The following TENM2 variants were observed in gnomAD, a reference collection of about 807,000 sequenced individuals.
TENM2 encodes the protein teneurin-2.
TENM2 carries 52 observed loss-of-function variants against 245.2 expected under a neutral mutation model. The observed-to-expected ratio is 0.21, with a 90% CI of 0.17 to 0.27. The LOEUF (loss-of-function observed/expected upper bound fraction) is 0.27, where lower values mean the gene tolerates loss of function less well. TENM2 is among the 10% of genes least tolerant of loss of function. The pLI is 1.00. For synonymous variants in TENM2, 1,363 were observed against 1,438.9 expected, an observed-to-expected ratio of 0.95 and a Z score of 1.19; for missense variants, 3,046 against 3,666.8, an observed-to-expected ratio of 0.83 and a Z score of 4.37.
intron 5 of TENM2, among the ~76,000 whole-genome samples, chr5:168,009,448 G>A (rs532874408): frequency 1.3e-5 from 2 of 152,304 alleles, no homozygotes; most frequent in South Asian, 4.1e-4. Flanking sequence ...AGTTAGTTAT[G>A]GGTTTATGGA....
Position 167,405,677 on chromosome 5 carries a change from C to G in TENM2, c.502+30204C>G, listed in dbSNP as rs539536193. ...CTCCATGAGAACTGTTTCTGTTCATCTCTTCCTAACTCAGCCTCACCCTGT... is the reference window on the plus strand; with the variant it reads ...CTCCATGAGAACTGTTTCTGTTCATGTCTTCCTAACTCAGCCTCACCCTGT... On this transcript the variant is annotated intron_variant, in intron 2 of 28. Coordinates refer to ENST00000518659, the Ensembl canonical transcript of TENM2. Among the ~76,000 whole-genome samples, 15 of 151,866 alleles carry G rather than the reference C, an allele frequency of 9.9e-5. No individual in the cohort carries two copies. In the East Asian group the frequency reaches 2.4e-3, roughly 24 times the overall value.
rs569176278 is a variant in TENM2 at position 167,948,061 on chromosome 5, C to T, written c.713-4527C>T. Among the ~76,000 whole-genome samples the T allele has an allele frequency of 1.4e-4, 21 of 152,236 alleles. 1 individual carries two copies. The highest frequency in any genetic ancestry group is 4.8e-4 in the African/African-American group (20 of 41,562). ...TTAGGCAGAATGCAACAACAATAGT[C>T]GATTATTAACAATTTCTTCCTTAGA... On this transcript the variant is annotated intron_variant, in intron 3 of 28. Coordinates refer to ENST00000518659, the Ensembl canonical transcript of TENM2.
chr5:167,870,344 T>C (rs1272037462), intron 2 of TENM2, among the ~76,000 whole-genome samples: 1 of 152,050 alleles, frequency 6.6e-6, no homozygotes, highest in Non-Finnish European at 1.5e-5. Context: ...GTTAGCACTT[T>C]TGTCTAATGT....
At chr5:167,395,833 G>A (rs1400604202) in intron 2 of TENM2, among the ~76,000 whole-genome samples, 5 of 152,040 alleles carry the variant, frequency 3.3e-5, no homozygotes, top group Non-Finnish European at 5.9e-5. Flanking sequence ...TTTTAAGTGA[G>A]GACTTGCTAT....
At chr5:168,253,466 C>T (rs1445152240) in intron 27 of TENM2, among the ~76,000 whole-genome samples, 1 of 148,102 alleles carries the variant, frequency 6.8e-6, no homozygotes, top group Non-Finnish European at 1.5e-5. Context: ...CACTCTGTCG[C>T]CCAGGCTGGA....
chr5:167,311,200 C>A (rs187437536), intron 1 of TENM2, among the ~76,000 whole-genome samples: 1 of 152,272 alleles, frequency 6.6e-6, no homozygotes, highest in Admixed American at 6.5e-5. Context: ...AAGGATTAGT[C>A]TTTAAAGAGT....
intron 2 of TENM2, among the ~76,000 whole-genome samples, chr5:167,608,684 C>T (rs1016169081): frequency 6.6e-6 from 1 of 152,172 alleles, no homozygotes. Context: ...ACCTGTCATA[C>T]TAATGGACTA....
chr5:167,578,211 C>T lies in TENM2; in HGVS notation c.502+202738C>T, dbSNP rs1158508542. 4.6e-5 allele frequency among the ~76,000 whole-genome samples: 7 copies of T among 152,168 alleles called. No individual in the cohort carries two copies. The South Asian group carries it at 1.0e-3, about 23-fold the overall frequency. ...ACACCCTTCCCAGGAAATTCTGAAA[C>T]GTCTGTCTACAGGGCATCTATTCTT... On this transcript the variant is annotated intron_variant, in intron 2 of 28. Coordinates refer to ENST00000518659, the Ensembl canonical transcript of TENM2.
At chr5:168,214,170 C>T (rs972625907) in intron 20 of TENM2, among the ~76,000 whole-genome samples, 2 of 152,230 alleles carry the variant, frequency 1.3e-5, no homozygotes, top group Non-Finnish European at 2.9e-5. Context: ...TTAGAGTTTC[C>T]TGTGTTTTAG....
chr5:167,956,581 C>A (rs1051865976), intron 4 of TENM2, among the ~76,000 whole-genome samples: 1 of 152,074 alleles, frequency 6.6e-6, no homozygotes, highest in East Asian at 1.9e-4. Context: ...CAGCTTTTGG[C>A]CATTCAGTGT....
chr5:168,126,861 C>T (rs372765674), exon 12 of TENM2: 5 of 1,609,476 alleles, frequency 3.1e-6, no homozygotes, highest in South Asian at 1.1e-5. Flanking sequence ...GTGCCACCCC[C>T]GCTGCATTGA....
At chr5:167,971,943 G>A (rs181278561) in intron 4 of TENM2, among the ~76,000 whole-genome samples, 1 of 152,336 alleles carries the variant, frequency 6.6e-6, no homozygotes, top group Non-Finnish European at 1.5e-5. Context: ...GGGCTGGAAG[G>A]CAGGCCTCTG....
the TENM2 span, among the ~76,000 whole-genome samples, chr5:167,166,796 T>C: frequency 8.5e-5 from 13 of 152,170 alleles, no homozygotes; most frequent in Non-Finnish European, 4.4e-5. Context: ...TATTATAATG[T>C]TCCATTCTCA....
the TENM2 span, among the ~76,000 whole-genome samples, chr5:167,052,598 G>A: frequency 6.6e-6 from 1 of 152,104 alleles, no homozygotes; most frequent in Non-Finnish European, 1.5e-5. Flanking sequence ...TTTCATTTCT[G>A]TGAGAGAGCA....
intron 2 of TENM2, among the ~76,000 whole-genome samples, chr5:167,502,837 A>G (rs1469090329): frequency 1.3e-5 from 2 of 152,204 alleles, no homozygotes; most frequent in East Asian, 3.9e-4. Flanking sequence ...AGCCAAATAT[A>G]TAAAAATGTC....
intron 2 of TENM2, among the ~76,000 whole-genome samples, chr5:167,438,658 A>G (rs1764711591): frequency 6.6e-6 from 1 of 152,124 alleles, no homozygotes; most frequent in African/African-American, 2.4e-5. Flanking sequence ...TGGCCTCCCA[A>G]AGTGCTGGGA....
At chr5:167,781,639 C>G (rs745486381) in intron 2 of TENM2, among the ~76,000 whole-genome samples, 3 of 152,128 alleles carry the variant, frequency 2.0e-5, no homozygotes, top group Non-Finnish European at 4.4e-5. Flanking sequence ...TGTGGCCATT[C>G]TAAACTCAGG....
At chr5:167,224,426 A>T in the TENM2 span, among the ~76,000 whole-genome samples, 1 of 152,054 alleles carries the variant, frequency 6.6e-6, no homozygotes. Flanking sequence ...GTTTCCCAAC[A>T]TCATTTATTG....
At chr5:168,151,822 G>T (rs1404912973) in intron 12 of TENM2, among the ~76,000 whole-genome samples, 1 of 152,226 alleles carries the variant, frequency 6.6e-6, no homozygotes, top group Non-Finnish European at 1.5e-5. Flanking sequence ...GCCCTTGGGG[G>T]CCTTCATCTC....
Sources: gnomAD v4.1 joint callset for allele counts (sites outside exome capture counted in the v4.1 genomes callset) on GRCh38, gnomAD v4.1.1 for gene constraint, MANE v1.5 for transcripts, NCBI Gene and HGNC (gene_info 2026-07-23, HGNC 2026-07-21) for gene names.